The following LINGO2 variants were observed in gnomAD, a reference collection of about 807,000 sequenced individuals.
LINGO2 encodes the protein leucine-rich repeat and immunoglobulin-like domain-containing nogo receptor-interacting protein 2.
In LINGO2, 14 loss-of-function variants were observed where a neutral mutation model predicts 30.6. The observed-to-expected ratio is 0.46, with a 90% CI of 0.30 to 0.72. LINGO2 has a LOEUF of 0.72. Ranked by LOEUF, LINGO2 falls within the 30% of genes least tolerant of loss-of-function variation. The pLI is 0.07. For missense variants in LINGO2, 729 were observed against 751.7 expected (o/e 0.97, Z 0.35); for synonymous variants, 317 against 288.5 (o/e 1.10, Z -1.00).
intron 4 of LINGO2, among the ~76,000 whole-genome samples, chr9:28,172,031 A>AC (rs1828607520): frequency 1.3e-5 from 1 of 75,828 alleles, no homozygotes. Context: ...AAAAAAAAAA[A>AC]AACAAAAAAA....
In LINGO2 at chr9:28,370,822, T is replaced by C. The variant is rs558029173; in HGVS notation, c.-246+2014A>G. On this transcript the variant is annotated intron_variant, in intron 3 of 5. Coordinates refer to ENST00000379992, the Ensembl canonical transcript of LINGO2. ...CTATTTGGTCATTAGTGAACTCTGA[T>C]TTAGAACAGTTTACGTATTTAACCT... Among the ~76,000 whole-genome samples, 849 of 152,320 alleles carry C rather than the reference T, an allele frequency of 5.6e-3. 6 individuals carry two copies. The highest frequency in any genetic ancestry group is 0.02 in the African/African-American group (811 of 41,566).
At chr9:28,030,060 A>G (rs1412613764) in intron 4 of LINGO2, among the ~76,000 whole-genome samples, 4 of 152,210 alleles carry the variant, frequency 2.6e-5, no homozygotes, top group Non-Finnish European at 5.9e-5. Flanking sequence ...ATCCCCAAGG[A>G]GAAGGTATTC....
chr9:29,188,229 C>A, the LINGO2 span, among the ~76,000 whole-genome samples: 1 of 151,672 alleles, frequency 6.6e-6, no homozygotes, highest in African/African-American at 2.4e-5. Flanking sequence ...TCTTAACGAG[C>A]ATGCTGCCTT....
At chr9:28,975,870 A>G in the LINGO2 span, among the ~76,000 whole-genome samples, 3 of 152,172 alleles carry the variant, frequency 2.0e-5, no homozygotes, top group African/African-American at 4.8e-5. Flanking sequence ...TGAAATTACA[A>G]ATGACTGAAC....
intron 4 of LINGO2, among the ~76,000 whole-genome samples, chr9:28,207,771 A>T (rs538515104): frequency 9.2e-5 from 14 of 152,286 alleles, no homozygotes; most frequent in African/African-American, 3.4e-4. Context: ...TGAAGACATA[A>T]ACATTTGGTG....
the LINGO2 span, among the ~76,000 whole-genome samples, chr9:28,853,894 T>C: frequency 6.6e-6 from 1 of 151,790 alleles, no homozygotes; most frequent in South Asian, 2.1e-4. Context: ...GAAAACTGTA[T>C]CACCTACCTA....
At chr9:28,837,264 T>C in the LINGO2 span, among the ~76,000 whole-genome samples, 1 of 152,252 alleles carries the variant, frequency 6.6e-6, no homozygotes, top group South Asian at 2.1e-4. Context: ...AAATGTAGTT[T>C]GATTTATTGG....
At chr9:28,676,397 A>G in the LINGO2 span, among the ~76,000 whole-genome samples, 1 of 152,138 alleles carries the variant, frequency 6.6e-6, no homozygotes, top group African/African-American at 2.4e-5. Flanking sequence ...AAAAAGCACA[A>G]TGACAGTACT....
chr9:28,425,329 G>T (rs59253217), intron 2 of LINGO2, among the ~76,000 whole-genome samples: 4,811 of 139,394 alleles, frequency 0.035, 249 homozygotes, highest in African/African-American at 0.11. Context: ...ATGTGTGTGT[G>T]TATATATATA....
At chr9:28,306,571 C>T (rs955826338) in intron 3 of LINGO2, among the ~76,000 whole-genome samples, 1 of 152,032 alleles carries the variant, frequency 6.6e-6, no homozygotes, top group South Asian at 2.1e-4. Flanking sequence ...CAAGAAATAA[C>T]TAAAATCAGA....
chr9:28,521,049 T>C (rs1587799099), intron 1 of LINGO2, among the ~76,000 whole-genome samples: 1 of 152,276 alleles, frequency 6.6e-6, no homozygotes, highest in Non-Finnish European at 1.5e-5. Context: ...ATAAATGATT[T>C]TGTCTTCCCC....
At chr9:28,823,969 A>C in the LINGO2 span, among the ~76,000 whole-genome samples, 5 of 152,210 alleles carry the variant, frequency 3.3e-5, no homozygotes, top group Non-Finnish European at 5.9e-5. Context: ...GGTAATCAGG[A>C]AAAATATATA....
At chr9:28,229,319 C>T (rs1212378621) in intron 4 of LINGO2, among the ~76,000 whole-genome samples, 1 of 151,524 alleles carries the variant, frequency 6.6e-6, no homozygotes, top group African/African-American at 2.4e-5. Context: ...ATACCTTGGG[C>T]TGTGACAATA....
At chr9:28,040,553 G>C (rs1232508735) in intron 4 of LINGO2, among the ~76,000 whole-genome samples, 1 of 145,720 alleles carries the variant, frequency 6.9e-6, no homozygotes, top group Admixed American at 7.2e-5. Flanking sequence ...TATGAACCAT[G>C]TCATAATAGA....
intron 4 of LINGO2, among the ~76,000 whole-genome samples, chr9:28,045,518 G>C (rs1429524999): frequency 6.6e-6 from 1 of 152,126 alleles, no homozygotes. Flanking sequence ...TTTTAAAAGT[G>C]ATTATAAACA....
the LINGO2 span, among the ~76,000 whole-genome samples, chr9:28,857,993 C>T: frequency 6.6e-6 from 1 of 151,548 alleles, no homozygotes; most frequent in South Asian, 2.1e-4. Context: ...GATATCTATC[C>T]CATTTGGTCT....
chr9:28,363,619 A>C (rs1820541240), intron 3 of LINGO2, among the ~76,000 whole-genome samples: 1 of 152,202 alleles, frequency 6.6e-6, no homozygotes, highest in Non-Finnish European at 1.5e-5. Flanking sequence ...TCACAAATTA[A>C]TCATCCCCAC....
At chr9:29,148,582 T>A in the LINGO2 span, among the ~76,000 whole-genome samples, 3 of 152,168 alleles carry the variant, frequency 2.0e-5, no homozygotes, top group African/African-American at 7.2e-5. Flanking sequence ...CAGCAAATAT[T>A]TTTATTCCCT....
At chr9:28,426,069 T>A (rs75124531) in intron 2 of LINGO2, among the ~76,000 whole-genome samples, 1,845 of 152,182 alleles carry the variant, frequency 0.012, 39 homozygotes, top group African/African-American at 0.04. Flanking sequence ...TTGAACTGTA[T>A]TACTGAAATC....
Sources: allele counts gnomAD v4.1 joint callset (sites outside exome capture counted in the v4.1 genomes callset), GRCh38; gene constraint gnomAD v4.1.1; transcripts MANE v1.5; gene names NCBI Gene and HGNC (gene_info 2026-07-23, HGNC 2026-07-21).